RASGRP3: variants seen among roughly 807,000 people sequenced by gnomAD.
RASGRP3 encodes the protein RAS guanyl releasing protein 3, also known as ras guanyl-releasing protein 3.
RASGRP3 carries 54 observed loss-of-function variants against 82.7 expected under a neutral mutation model. That is an observed-to-expected ratio of 0.65 (90% CI 0.52 to 0.82). The LOEUF (loss-of-function observed/expected upper bound fraction) is 0.82, where lower values mean the gene tolerates loss of function less well. Among genes scored for constraint, RASGRP3 ranks in the 40% least tolerant of loss-of-function variants. RASGRP3 has a pLI of 0.00. For synonymous variants in RASGRP3, 309 were observed against 300.5 expected, an observed-to-expected ratio of 1.03 and a Z score of -0.29; for missense variants, 861 against 828.9, an observed-to-expected ratio of 1.04 and a Z score of -0.48.
chr2:33,549,504 T>C, intron 13 of RASGRP3, 100 bp from the exon 14 acceptor site: 1 of 1,201,892 alleles, frequency 8.3e-7, no homozygotes, highest in Non-Finnish European at 1.2e-6. Context: ...CCTCAACTGC[T>C]TTTGGCCACA....
chr2:33,526,707 C>T (rs1672598620), intron 9 of RASGRP3, among the ~76,000 whole-genome samples: 1 of 152,202 alleles, frequency 6.6e-6, no homozygotes, highest in Non-Finnish European at 1.5e-5. Flanking sequence ...CTATCTCACA[C>T]CGCATTGCAA....
At position 33,558,843 on chromosome 2, in the gene RASGRP3, G is replaced by C; in HGVS notation, c.1877G>C (p.Gly626Ala). ...CCTGTCTGGTCAGAGGCTGGCTGGGGGGACTCGGGGTCCCACACCTTCCCT... is the reference window on the plus strand; with the variant it reads ...CCTGTCTGGTCAGAGGCTGGCTGGGCGGACTCGGGGTCCCACACCTTCCCT... ...TEPVWSEAGW[G>A]DSGSHTFPKM... The change falls in exon 17 of 18, where the codon GGG becomes GCG. Residue 626 changes from glycine to alanine, a missense_variant. Gly to Ala is a moderately conservative substitution (Grantham distance 60). Coordinates refer to ENST00000403687, the MANE Select transcript of RASGRP3 (RefSeq NM_001139488.2). 1 of 1,613,980 alleles carries C rather than the reference G, an allele frequency of 6.2e-7. No individual in the cohort carries two copies. Among genetic ancestry groups the C allele is most frequent in the Non-Finnish European group, 8.5e-7 (1 of 1,179,902 alleles).
chr2:33,503,645 A>T (rs1293687497), intron 1 of RASGRP3, among the ~76,000 whole-genome samples: 1 of 152,064 alleles, frequency 6.6e-6, no homozygotes, highest in Admixed American at 6.5e-5. Flanking sequence ...TAAAAAGTCT[A>T]GCTCCAAATC....
intron 10 of RASGRP3, chr2:33,531,648 C>T (rs1296811138): frequency 6.6e-6 from 1 of 152,232 alleles, no homozygotes; most frequent in Non-Finnish European, 1.5e-5. Context: ...GACTGAGACT[C>T]AGGAAGGTTA....
intron 11 of RASGRP3, among the ~76,000 whole-genome samples, chr2:33,535,501 A>G (rs1467030769): frequency 2.0e-5 from 3 of 152,258 alleles, no homozygotes; most frequent in Admixed American, 6.5e-5. Flanking sequence ...AAGTTTATTA[A>G]TACCTACTGT....
At chr2:33,550,349 A>G (rs1270653125) in intron 14 of RASGRP3, among the ~76,000 whole-genome samples, 2 of 152,232 alleles carry the variant, frequency 1.3e-5, no homozygotes, top group South Asian at 4.1e-4. Flanking sequence ...AGGTTCAAAG[A>G]GGATAACCCA....
intron 10 of RASGRP3, chr2:33,534,038 C>T (rs975658049): frequency 1.9e-5 from 7 of 362,782 alleles, no homozygotes; most frequent in Non-Finnish European, 3.0e-5. Context: ...GGAAACATCA[C>T]ATATCCCTCA....
intron 1 of RASGRP3, among the ~76,000 whole-genome samples, chr2:33,437,410 C>A (rs1382598991): frequency 1.3e-5 from 2 of 152,184 alleles, no homozygotes; most frequent in African/African-American, 4.8e-5. Context: ...AAATGATGCA[C>A]CATATTTGCA....
intron 2 of RASGRP3, among the ~76,000 whole-genome samples, chr2:33,449,955 T>G (rs987790482): frequency 6.6e-6 from 1 of 152,182 alleles, no homozygotes; most frequent in Non-Finnish European, 1.5e-5. Flanking sequence ...CTCACATGAT[T>G]TCTTTGGGCC....
rs184768250 is a variant in RASGRP3 at position 33,448,125 on chromosome 2, G to A, written c.-261+182G>A. On this transcript the variant is annotated intron_variant, in intron 2 of 18. Coordinates refer to the RASGRP3 transcript ENST00000402538. ...ATGATGAAGCTGTCACCAGTCTTGA[G>A]TGAATTTGCCCTCTTCAGAAATGCT... Among the ~76,000 whole-genome samples, 156 of 152,308 alleles carry A rather than the reference G, an allele frequency of 1.0e-3. 2 individuals are homozygous for A. The highest frequency in any genetic ancestry group is 8.4e-3 in the Admixed American group (129 of 15,296).
In RASGRP3 at chr2:33,563,253, G is replaced by T. The variant is rs550772803; in HGVS notation, c.*516G>T. 2.0e-4 allele frequency: 31 copies of T among 153,440 alleles called. No individual in the cohort carries two copies. Among genetic ancestry groups the T allele is most frequent in the Non-Finnish European group, 3.9e-4 (27 of 69,206 alleles). The allele number at this position is 153,440 out of a possible 1,614,324, so 9.5% of individuals were successfully genotyped here. A position where few individuals can be genotyped will look rare whatever the true frequency, so the allele number is the denominator to read the frequency against. On this transcript the variant is annotated 3_prime_UTR_variant, in exon 18 of 18. Coordinates refer to ENST00000403687, the MANE Select transcript of RASGRP3 (RefSeq NM_001139488.2). Reference sequence around the variant, plus strand: ...TCTTCTTGGTGTGCTTTTTGGATGGGACCAGAACTTAACATTTTCCTGAGG... The same window carrying T: ...TCTTCTTGGTGTGCTTTTTGGATGGTACCAGAACTTAACATTTTCCTGAGG...
At chr2:33,556,842 G>T (rs1339442788) in intron 15 of RASGRP3, among the ~76,000 whole-genome samples, 1 of 148,476 alleles carries the variant, frequency 6.7e-6, no homozygotes, top group African/African-American at 2.5e-5. Context: ...TTATTGCCCA[G>T]CAGTGAGTCA....
intron 1 of RASGRP3, among the ~76,000 whole-genome samples, chr2:33,505,887 A>AGT (rs1670327735): frequency 6.6e-6 from 1 of 152,104 alleles, no homozygotes; most frequent in East Asian, 1.9e-4. Context: ...CTAGGAGAAT[A>AGT]CCCCCTTGGT....
At chr2:33,462,222 A>G (rs6731587) in intron 2 of RASGRP3, among the ~76,000 whole-genome samples, 129,110 of 152,076 alleles carry the variant, frequency 0.85, 55,041 homozygotes, top group African/African-American at 0.92. Flanking sequence ...AGTGCTAGTG[A>G]GCTGCCATGT....
intron 2 of RASGRP3, among the ~76,000 whole-genome samples, chr2:33,463,338 T>G (rs1023911285): frequency 1.3e-5 from 2 of 152,166 alleles, no homozygotes; most frequent in Non-Finnish European, 2.9e-5. Context: ...TGAATTATAA[T>G]AAGTAAATGC....
chr2:33,539,120 C>A lies in RASGRP3; in HGVS notation c.1188C>A (p.Asn396Lys), dbSNP rs761850658. The A allele has an allele frequency of 3.1e-6, 5 of 1,610,294 alleles. No individual in the cohort carries two copies. In the Admixed American group the frequency reaches 8.4e-5, roughly 27 times the overall value. Residue 396 changes from asparagine to lysine, a missense_variant, in exon 12 of 18, where the codon AAC becomes AAA. By Grantham distance (94) the Asn-to-Lys change is moderately conservative. Coordinates refer to ENST00000403687, the MANE Select transcript of RASGRP3 (RefSeq NM_001139488.2). ...AGCCTACCTCCCCTACGACGCCCAA[C>A]AAGCCTGTGGTACCCCTGGAGTGGG... ...KSQPTSPTTP[N>K]KPVVPLEWAL...
chr2:33,450,054 A>G (rs1167548556), intron 2 of RASGRP3, among the ~76,000 whole-genome samples: 1 of 152,226 alleles, frequency 6.6e-6, no homozygotes, highest in Middle Eastern at 3.2e-3. Flanking sequence ...GGAAGACTCA[A>G]TAGGGACTAG....
Position 33,485,084 on chromosome 2 carries a change from A to G in RASGRP3, c.-261+8377A>G, listed in dbSNP as rs1382266448. Among the ~76,000 whole-genome samples the G allele has an allele frequency of 3.9e-5, 6 of 152,066 alleles. No homozygotes were observed. The East Asian group carries it at 9.7e-4, about 24-fold the overall frequency. On this transcript the variant is annotated intron_variant, in intron 1 of 17. Transcript: ENST00000403687. The stretch of plus-strand genomic sequence containing the variant: ...GTGGTGGTGCATGCCTATAATCCCA[A>G]CTACTTGGAAGGCTGAGGCAGGAAA...
intron 17 of RASGRP3, chr2:33,559,579 A>T (rs562060286): frequency 1.5e-4 from 76 of 518,390 alleles, no homozygotes; most frequent in South Asian, 1.0e-3. Flanking sequence ...AAAGCAAAGT[A>T]GGATGCAGAT....
Sources: gnomAD v4.1 joint callset for allele counts (sites outside exome capture counted in the v4.1 genomes callset) on GRCh38, gnomAD v4.1.1 for gene constraint, MANE v1.5 for transcripts, NCBI Gene and HGNC (gene_info 2026-07-23, HGNC 2026-07-21) for gene names.